Variants in DECR2 observed in about 807,000 individuals in gnomAD.
DECR2 encodes 2,4-dienoyl-CoA reductase 2.
DECR2 carries 34 observed loss-of-function variants against 29.2 expected under a neutral mutation model. The observed-to-expected ratio is 1.16, with a 90% CI of 0.89 to 1.55. The LOEUF is 1.55. DECR2 is among the 40% of genes most tolerant of loss of function. The probability of loss-of-function intolerance (pLI) is 0.00; values close to 1 mark genes in which losing one functional copy is unlikely to be tolerated. For synonymous variants in DECR2, 224 were observed against 182.7 expected (o/e 1.23, Z -1.82); for missense variants, 485 against 425.3 (o/e 1.14, Z -1.23).
intron 2 of DECR2, chr16:405,565 G>A (rs764503313): frequency 1.5e-6 from 2 of 1,304,616 alleles, no homozygotes; most frequent in South Asian, 2.5e-5. Context: ...CTGCCTAGCA[G>A]GGGTAGCTAC....
Position 404,973 on chromosome 16 carries a change from T to C in DECR2, c.98T>C (p.Ile33Thr), listed in dbSNP as rs757990963. The change falls in exon 2 of 9, where the codon ATC (isoleucine) becomes ACC (threonine). Residue 33 changes from isoleucine to threonine, a missense_variant. Transcript: ENST00000219481. The part of the protein sequence containing the change: ...PDLLRDKVAF[I>T]TGGGSGIGFR... Reference sequence around the variant, plus strand: ...ATTCTCAGGGACAAAGTGGCCTTCATCACAGGAGGCGGCTCTGGGATTGGG... The same window carrying C: ...ATTCTCAGGGACAAAGTGGCCTTCACCACAGGAGGCGGCTCTGGGATTGGG... 7.4e-6 allele frequency: 12 copies of C among 1,614,112 alleles called. No individual in the cohort carries two copies. In the South Asian group the frequency reaches 1.1e-4, roughly 15 times the overall value.
At chr16:403,630 C>T (rs2054692512) in intron 1 of DECR2, among the ~76,000 whole-genome samples, 1 of 152,096 alleles carries the variant, frequency 6.6e-6, no homozygotes, top group Admixed American at 6.6e-5. Context: ...ACAGAAATAC[C>T]CTTTCCCCCA....
rs188554684 is a variant in DECR2, at chr16:409,896, C to T, written c.338-347C>T. 2.4e-3 allele frequency: 631 copies of T among 267,412 alleles called. 3 individuals are homozygous for T. Among genetic ancestry groups the T allele is most frequent in the Non-Finnish European group, 2.8e-3 (379 of 136,970 alleles). The allele number at this position is 267,412 out of a possible 1,614,324, so 16.6% of individuals were successfully genotyped here. On this transcript the variant is annotated intron_variant, in intron 4 of 8. Transcript: ENST00000219481. Reference sequence around the variant, plus strand: ...GTGGCGTGTGTCTGTGTGTCCTCTTCCCTTGTTATAAGGATGCTGGTCATT... The same window carrying T: ...GTGGCGTGTGTCTGTGTGTCCTCTTTCCTTGTTATAAGGATGCTGGTCATT...
chr16:406,327 C>G lies in DECR2; in HGVS notation c.150-19C>G. ...GCCCCTCGCCCACACTGCCCTCACA[C>G]CTGCTTCTGGTTTTGCAGGCACGGC... On this transcript the variant is annotated intron_variant, in intron 2 of 8. Coordinates refer to ENST00000219481, the MANE Select transcript of DECR2 (RefSeq NM_020664.4). The G allele has an allele frequency of 6.2e-7, 1 of 1,605,288 alleles. No homozygotes were observed. The highest frequency in any genetic ancestry group is 8.5e-7 in the Non-Finnish European group (1 of 1,179,758).
chr16:408,503 T>A (rs1254500097), intron 4 of DECR2, among the ~76,000 whole-genome samples: 44 of 146,166 alleles, frequency 3.0e-4, no homozygotes, highest in African/African-American at 9.3e-4. Context: ...ATTCCGTCTT[T>A]AAAAAAAAAA....
intron 2 of DECR2, chr16:405,569 T>A (rs756869356): frequency 7.7e-7 from 1 of 1,304,144 alleles, no homozygotes; most frequent in African/African-American, 1.5e-5. Flanking sequence ...CTAGCAGGGG[T>A]AGCTACCTTT....
chr16:408,195 C>G (rs1465868310), intron 4 of DECR2, among the ~76,000 whole-genome samples: 30 of 131,312 alleles, frequency 2.3e-4, no homozygotes, highest in African/African-American at 7.0e-4. Context: ...CTGTCTCCGG[C>G]CCCCTGTCTC....
intron 3 of DECR2, chr16:406,949 C>CAG (rs1362959621): frequency 1.9e-6 from 2 of 1,026,014 alleles, no homozygotes; most frequent in African/African-American, 3.5e-5. Context: ...TATGGAGCTT[C>CAG]AGTGTAAGTG....
intron 2 of DECR2, chr16:405,481 T>G (rs1597198548): frequency 7.8e-7 from 1 of 1,275,072 alleles, no homozygotes; most frequent in Non-Finnish European, 1.0e-6. Context: ...CAGGAAGAGA[T>G]ATGGCCTTTC....
At chr16:409,494 T>G (rs767646878) in intron 4 of DECR2, 9 of 152,108 alleles carry the variant, frequency 5.9e-5, no homozygotes, top group Non-Finnish European at 1.2e-4. Context: ...AATCACAGTT[T>G]TAGGTTTATA....
chr16:403,123 C>A, intron 1 of DECR2: 1 of 728,726 alleles, frequency 1.4e-6, no homozygotes, highest in Non-Finnish European at 1.7e-6. Flanking sequence ...CTCAGCCTCC[C>A]AATTCTCCTG....
chr16:411,286 G>A (rs2054815631), intron 7 of DECR2, 75 bp from the exon 8 acceptor site: 1 of 1,446,334 alleles, frequency 6.9e-7, no homozygotes, highest in African/African-American at 1.4e-5. Flanking sequence ...ATGCCTCTCA[G>A]GGAATGAGCT....
intron 7 of DECR2, 103 bp from the exon 8 acceptor site, chr16:411,258 T>G: frequency 1.6e-6 from 2 of 1,282,816 alleles, no homozygotes; most frequent in Non-Finnish European, 2.1e-6. Flanking sequence ...ACACTGACTG[T>G]GTCCTTGCTG....
At chr16:406,454 G>C in intron 3 of DECR2, 57 bp downstream of exon 3, 2 of 1,582,904 alleles carry the variant, frequency 1.3e-6, no homozygotes, top group South Asian at 2.2e-5. Flanking sequence ...GGCTGGGGCT[G>C]GGCCTGGGCC....
At chr16:405,696 G>A (rs1325273218) in intron 2 of DECR2, 4 of 1,035,772 alleles carry the variant, frequency 3.9e-6, no homozygotes, top group Non-Finnish European at 2.7e-6. Flanking sequence ...GTGGGCAGAA[G>A]CGTAGTCTTG....
intron 4 of DECR2, among the ~76,000 whole-genome samples, chr16:409,073 C>G (rs1054923438): frequency 6.6e-6 from 1 of 152,164 alleles, no homozygotes; most frequent in Non-Finnish European, 1.5e-5. Flanking sequence ...CTCAGGTGAT[C>G]CGCCCGCCTT....
At chr16:409,913 C>T in intron 4 of DECR2, 3 of 302,196 alleles carry the variant, frequency 9.9e-6, no homozygotes, top group South Asian at 5.5e-5. Context: ...TATAAGGATG[C>T]TGGTCATTGG....
At chr16:406,715 G>A (rs1450419966) in intron 3 of DECR2, 1 of 583,422 alleles carries the variant, frequency 1.7e-6, no homozygotes, top group Admixed American at 3.2e-5. Context: ...GACCAGGCTG[G>A]TCTCGAATTC....
chr16:403,849 A>T (rs994085602), intron 1 of DECR2, among the ~76,000 whole-genome samples: 9 of 151,300 alleles, frequency 5.9e-5, no homozygotes, highest in Non-Finnish European at 1.3e-4. Context: ...CTGCACTCCA[A>T]CCTGGATGAC....
Sources: gnomAD v4.1 joint callset for allele counts (sites outside exome capture counted in the v4.1 genomes callset) on GRCh38, gnomAD v4.1.1 for gene constraint, MANE v1.5 for transcripts, NCBI Gene and HGNC (gene_info 2026-07-23, HGNC 2026-07-21) for gene names.